FBXW10B: variants seen among roughly 807,000 people sequenced by gnomAD.
FBXW10B encodes the protein F-box and WD repeat domain containing 10B, also known as F-box and WD repeat domain containing protein 10B.
the FBXW10B span, chr17:15,594,907 C>A: frequency 5.0e-4 from 805 of 1,613,168 alleles, 2 homozygotes; most frequent in African/African-American, 9.8e-3. Context: ...GAAAAGATAC[C>A]ACTGTCTTCA....
At chr17:15,577,233 A>G in the FBXW10B span, among the ~76,000 whole-genome samples, 1 of 152,164 alleles carries the variant, frequency 6.6e-6, no homozygotes, top group Non-Finnish European at 1.5e-5. Context: ...ACTTAATAAT[A>G]GTGGTGTTAA....
At chr17:15,583,390 G>C in the FBXW10B span, among the ~76,000 whole-genome samples, 20 of 144,528 alleles carry the variant, frequency 1.4e-4, no homozygotes, top group South Asian at 4.8e-3. Flanking sequence ...AACTAGGTTA[G>C]GTGCCCCTGA....
the FBXW10B span, among the ~76,000 whole-genome samples, chr17:15,606,463 G>C: frequency 6.7e-6 from 1 of 149,758 alleles, no homozygotes; most frequent in African/African-American, 2.5e-5. Flanking sequence ...GGAGGTGGAG[G>C]TTACAATGAG....
chr17:15,587,112 G>A, the FBXW10B span, among the ~76,000 whole-genome samples: 5 of 151,610 alleles, frequency 3.3e-5, 1 homozygote, highest in East Asian at 1.9e-4. Flanking sequence ...CCTTGAAATG[G>A]GGCCAGTTAG....
the FBXW10B span, among the ~76,000 whole-genome samples, chr17:15,584,968 CT>C: frequency 0.025 from 3,121 of 125,906 alleles, 100 homozygotes; most frequent in African/African-American, 0.087. Context: ...CCTTCTTCTT[CT>C]TTTTTTTTTT....
the FBXW10B span, chr17:15,569,053 G>A: frequency 6.5e-6 from 7 of 1,075,842 alleles, no homozygotes; most frequent in Non-Finnish European, 8.3e-6. Flanking sequence ...ACATATTTAA[G>A]ACAAAACACA....
chr17:15,601,507 A>G, the FBXW10B span, among the ~76,000 whole-genome samples: 1 of 152,204 alleles, frequency 6.6e-6, no homozygotes, highest in East Asian at 1.9e-4. Flanking sequence ...CAGACACAAG[A>G]TCAATTTACA....
At chr17:15,612,658 G>A in the FBXW10B span, 1 of 1,613,142 alleles carries the variant, frequency 6.2e-7, no homozygotes, top group East Asian at 2.2e-5. Flanking sequence ...CAATTAGAAT[G>A]AGACGCTCAC....
chr17:15,605,697 G>C, the FBXW10B span, among the ~76,000 whole-genome samples: 1 of 152,280 alleles, frequency 6.6e-6, no homozygotes, highest in East Asian at 1.9e-4. Context: ...AAATCCCCAA[G>C]AGAGAGAACA....
chr17:15,605,568 T>C, the FBXW10B span: 6 of 1,464,358 alleles, frequency 4.1e-6, no homozygotes, highest in Non-Finnish European at 5.5e-6. Context: ...GAAGGCAAGG[T>C]TGAGAATTAA....
the FBXW10B span, among the ~76,000 whole-genome samples, chr17:15,589,811 G>A: frequency 1.6e-3 from 244 of 151,864 alleles, no homozygotes; most frequent in African/African-American, 5.7e-3. Context: ...ACCATAAACC[G>A]TTACCCTGTA....
At chr17:15,614,343 C>T in the FBXW10B span, among the ~76,000 whole-genome samples, 1 of 152,016 alleles carries the variant, frequency 6.6e-6, no homozygotes, top group African/African-American at 2.4e-5. Flanking sequence ...CGCCCGCCAC[C>T]ACGCCCGACT....
the FBXW10B span, among the ~76,000 whole-genome samples, chr17:15,569,425 C>T: frequency 7.2e-6 from 1 of 138,110 alleles, no homozygotes; most frequent in Non-Finnish European, 1.6e-5. Flanking sequence ...TTTGGCTATT[C>T]GTATGTCTTC....
At chr17:15,584,629 G>T in the FBXW10B span, among the ~76,000 whole-genome samples, 1 of 152,128 alleles carries the variant, frequency 6.6e-6, no homozygotes, top group African/African-American at 2.4e-5. Flanking sequence ...ACTGATTGTG[G>T]GCTCCTCGTG....
chr17:15,614,289 C>T, the FBXW10B span, among the ~76,000 whole-genome samples: 1 of 151,862 alleles, frequency 6.6e-6, no homozygotes. Flanking sequence ...CCCGGGTTCA[C>T]GCCATTCTCC....
the FBXW10B span, among the ~76,000 whole-genome samples, chr17:15,602,541 A>G: frequency 1.3e-5 from 2 of 149,826 alleles, no homozygotes; most frequent in Non-Finnish European, 3.0e-5. Context: ...GGGAAGAATC[A>G]CAGAAATGAG....
the FBXW10B span, among the ~76,000 whole-genome samples, chr17:15,614,483 T>C: frequency 0.015 from 2,342 of 152,174 alleles, 64 homozygotes; most frequent in African/African-American, 0.054. Flanking sequence ...CGTGAGGCAC[T>C]GCACCCGGCC....
the FBXW10B span, among the ~76,000 whole-genome samples, chr17:15,608,747 A>C: frequency 1.1e-4 from 17 of 152,322 alleles, no homozygotes; most frequent in Middle Eastern, 0.017. Flanking sequence ...AGCCACCACG[A>C]CCAGCCTGCA....
At chr17:15,589,815 C>G in the FBXW10B span, among the ~76,000 whole-genome samples, 1 of 151,898 alleles carries the variant, frequency 6.6e-6, no homozygotes, top group Non-Finnish European at 1.5e-5. Flanking sequence ...TAAACCGTTA[C>G]CCTGTAAGCC....
Sources: allele counts gnomAD v4.1 joint callset (sites outside exome capture counted in the v4.1 genomes callset), GRCh38; gene constraint gnomAD v4.1.1; transcripts MANE v1.5; gene names NCBI Gene and HGNC (gene_info 2026-07-23, HGNC 2026-07-21).